TMTC2: variants seen among roughly 807,000 people sequenced by gnomAD.
The protein encoded by TMTC2 is transmembrane O-mannosyltransferase targeting cadherins 2.
TMTC2 carries 43 observed loss-of-function variants against 82.4 expected under a neutral mutation model. That is an observed-to-expected ratio of 0.52 (90% CI 0.41 to 0.67). The LOEUF is 0.67. TMTC2 is among the 30% of genes least tolerant of loss of function. The pLI is 0.00. For synonymous variants in TMTC2, 408 were observed against 381.9 expected, an observed-to-expected ratio of 1.07 and a Z score of -0.80; for missense variants, 919 against 1,012.4, an observed-to-expected ratio of 0.91 and a Z score of 1.25.
intron 1 of TMTC2, among the ~76,000 whole-genome samples, chr12:82,847,939 G>C (rs1225975478): frequency 1.3e-5 from 2 of 152,056 alleles, no homozygotes; most frequent in African/African-American, 4.8e-5. Flanking sequence ...AGAACTTAAA[G>C]TATAATAATA....
chr12:82,730,493 T>G (rs1259898789), intron 1 of TMTC2, among the ~76,000 whole-genome samples: 2 of 152,184 alleles, frequency 1.3e-5, no homozygotes, highest in African/African-American at 2.4e-5. Context: ...GAGGTGCACA[T>G]GCTTCTATGT....
At chr12:82,824,979 C>T (rs1215192302) in intron 1 of TMTC2, among the ~76,000 whole-genome samples, 1 of 151,944 alleles carries the variant, frequency 6.6e-6, no homozygotes, top group Non-Finnish European at 1.5e-5. Flanking sequence ...ATCCCAGCTA[C>T]TTGGGAGCCT....
intron 4 of TMTC2, among the ~76,000 whole-genome samples, chr12:82,940,352 A>G (rs1291192475): frequency 6.6e-6 from 1 of 151,850 alleles, no homozygotes; most frequent in African/African-American, 2.4e-5. Context: ...TCAATTTTCA[A>G]GATTTATTAA....
chr12:82,735,229 C>T (rs1439697982), intron 1 of TMTC2, among the ~76,000 whole-genome samples: 6 of 151,936 alleles, frequency 3.9e-5, no homozygotes, highest in Admixed American at 3.9e-4. Flanking sequence ...CAAAATAAAC[C>T]CAATATCACA....
chr12:82,783,577 G>T (rs1351695856), intron 1 of TMTC2, among the ~76,000 whole-genome samples: 1 of 152,052 alleles, frequency 6.6e-6, no homozygotes, highest in Non-Finnish European at 1.5e-5. Flanking sequence ...ATTCTTCTAA[G>T]TGGAGGATTT....
chr12:83,070,227 A>C (rs1364670305), intron 11 of TMTC2, among the ~76,000 whole-genome samples: 1 of 151,996 alleles, frequency 6.6e-6, no homozygotes, highest in Admixed American at 6.6e-5. Flanking sequence ...GTGAAGAAGG[A>C]TGGTGGTATT....
chr12:82,728,867 G>A (rs1173176289), intron 1 of TMTC2, among the ~76,000 whole-genome samples: 1 of 152,216 alleles, frequency 6.6e-6, no homozygotes, highest in Non-Finnish European at 1.5e-5. Flanking sequence ...ACTATGAGCA[G>A]CCAGCCAGCC....
intron 8 of TMTC2, among the ~76,000 whole-genome samples, chr12:82,997,152 A>G (rs954135087): frequency 9.4e-4 from 49 of 51,928 alleles, no homozygotes; most frequent in African/African-American, 4.4e-3. Context: ...TCATTTTGAT[A>G]CTTCCCTCTC....
At chr12:82,771,571 T>C (rs1218868107) in intron 1 of TMTC2, among the ~76,000 whole-genome samples, 2 of 152,126 alleles carry the variant, frequency 1.3e-5, no homozygotes, top group Admixed American at 6.6e-5. Context: ...TTCAAACCAG[T>C]CCTTAATTTT....
chr12:82,886,629 A>G (rs1018487582), intron 2 of TMTC2, among the ~76,000 whole-genome samples: 1 of 152,152 alleles, frequency 6.6e-6, no homozygotes, highest in Non-Finnish European at 1.5e-5. Context: ...ACCTCTTTTA[A>G]TATTTTTTGC....
intron 1 of TMTC2, among the ~76,000 whole-genome samples, chr12:82,823,254 T>G (rs1277966864): frequency 1.3e-5 from 2 of 152,230 alleles, no homozygotes; most frequent in African/African-American, 4.8e-5. Context: ...ATTGGATTTA[T>G]CCTCTCACAG....
intron 9 of TMTC2, among the ~76,000 whole-genome samples, chr12:83,047,959 G>C (rs1404438132): frequency 6.6e-6 from 1 of 152,048 alleles, no homozygotes; most frequent in Non-Finnish European, 1.5e-5. Flanking sequence ...CCCTTGTTAT[G>C]GGTATCATTA....
chr12:83,132,978 T>TC lies in TMTC2; in HGVS notation c.*589_*590insC, dbSNP rs1885313342. 6.6e-6 allele frequency: 1 copy of TC among 152,306 alleles called. No homozygotes were observed. The highest frequency in any genetic ancestry group is 1.5e-5 in the Non-Finnish European group (1 of 68,116). The allele number at this position is 152,306 out of a possible 1,614,324, so 9.4% of individuals were successfully genotyped here. ...TATGTTTCTTGACCAGTGCACATAA[T>TC]GTTTTATGATTTGGATGTCAGAGGC... On this transcript the variant is annotated 3_prime_UTR_variant, in exon 12 of 12. Coordinates refer to ENST00000321196, the MANE Select transcript of TMTC2 (RefSeq NM_152588.3).
Position 83,064,518 on chromosome 12 carries a change from A to G in TMTC2, c.2331+2687A>G, listed in dbSNP as rs146462607. Among the ~76,000 whole-genome samples, 1,278 of 152,048 alleles carry G rather than the reference A, an allele frequency of 8.4e-3. 14 individuals carry two copies. The highest frequency in any genetic ancestry group is 0.013 in the Non-Finnish European group (878 of 67,904). On this transcript the variant is annotated intron_variant, in intron 11 of 11. Coordinates refer to ENST00000321196, the MANE Select transcript of TMTC2 (RefSeq NM_152588.3). Reference sequence around the variant, plus strand: ...GATGTTACCATTGATGGATCAACAGATGTGGTTTTTTCCTAATCTATTTTC... The same window carrying G: ...GATGTTACCATTGATGGATCAACAGGTGTGGTTTTTTCCTAATCTATTTTC...
intron 8 of TMTC2, among the ~76,000 whole-genome samples, chr12:82,999,428 G>A (rs532720107): frequency 4.6e-5 from 7 of 152,304 alleles, no homozygotes; most frequent in Admixed American, 2.6e-4. Flanking sequence ...GGTAGTTTTT[G>A]TCAGAGTTCC....
At chr12:82,701,151 T>C (rs541095756) in intron 1 of TMTC2, among the ~76,000 whole-genome samples, 47 of 152,312 alleles carry the variant, frequency 3.1e-4, no homozygotes, top group African/African-American at 1.0e-3. Flanking sequence ...TGCAAAGTTA[T>C]GATTTTTTAC....
chr12:83,001,557 C>T (rs1227941485), intron 8 of TMTC2, among the ~76,000 whole-genome samples: 1 of 150,842 alleles, frequency 6.6e-6, no homozygotes, highest in Non-Finnish European at 1.5e-5. Flanking sequence ...ATCGCTTGAA[C>T]CTGGGAGGCG....
intron 1 of TMTC2, among the ~76,000 whole-genome samples, chr12:82,770,120 T>A (rs1046353300): frequency 2.0e-5 from 3 of 152,204 alleles, no homozygotes; most frequent in African/African-American, 7.2e-5. Context: ...TTTATTATGT[T>A]ACCCTTTATA....
intron 1 of TMTC2, chr12:82,760,475 T>TG (rs1876557730): frequency 6.7e-6 from 1 of 149,232 alleles, no homozygotes; most frequent in South Asian, 2.2e-4. Flanking sequence ...GGTTTTTTTT[T>TG]TTTTTTTTTT....
Sources: gnomAD v4.1 joint callset for allele counts (sites outside exome capture counted in the v4.1 genomes callset) on GRCh38, gnomAD v4.1.1 for gene constraint, MANE v1.5 for transcripts, NCBI Gene and HGNC (gene_info 2026-07-23, HGNC 2026-07-21) for gene names.